Variants in PCDHA4 observed in about 807,000 individuals in gnomAD.
The protein encoded by PCDHA4 is protocadherin alpha 4.
A neutral mutation model predicts 61.4 loss-of-function variants in PCDHA4; 49 were observed. The observed-to-expected ratio is 0.80, with a 90% CI of 0.63 to 1.01. PCDHA4 has a LOEUF of 1.01. PCDHA4 is among the 50% of genes least tolerant of loss of function. PCDHA4 has a pLI of 0.00. For missense variants in PCDHA4, 1,254 were observed against 1,235.8 expected, an observed-to-expected ratio of 1.01 and a Z score of -0.22; for synonymous variants, 590 against 550.3, an observed-to-expected ratio of 1.07 and a Z score of -1.01.
intron 1 of PCDHA4, among the ~76,000 whole-genome samples, chr5:140,921,353 A>T (rs943655623): frequency 6.6e-6 from 1 of 152,160 alleles, no homozygotes; most frequent in Non-Finnish European, 1.5e-5. Context: ...ATATTTGCCT[A>T]TATTCAAGTT....
At position 140,818,149 on chromosome 5, in the gene PCDHA4, G is replaced by A. The variant is rs116573666; in HGVS notation, c.2385+8577G>A. Among the ~76,000 whole-genome samples, 733 of 152,078 alleles carry A rather than the reference G, an allele frequency of 4.8e-3. 10 individuals are homozygous for A. Among genetic ancestry groups the A allele is most frequent in the African/African-American group, 0.017 (703 of 41,472 alleles). ...GATTTAGCAGTATGCCTTCAAATAC[G>A]GCTTCTACTTCATATTTTCTCTTAT... On this transcript the variant is annotated intron_variant, in intron 1 of 3. Transcript: ENST00000530339.
At chr5:140,916,628 C>T (rs1311862991) in intron 1 of PCDHA4, among the ~76,000 whole-genome samples, 1 of 152,188 alleles carries the variant, frequency 6.6e-6, no homozygotes, top group Non-Finnish European at 1.5e-5. Context: ...ACTCAATGCC[C>T]TATCCTACTG....
At chr5:140,820,544 A>T (rs1260272313) in intron 1 of PCDHA4, among the ~76,000 whole-genome samples, 4 of 152,008 alleles carry the variant, frequency 2.6e-5, no homozygotes, top group African/African-American at 7.2e-5. Flanking sequence ...TTCAATAGAA[A>T]ACTTGGTGAT....
intron 1 of PCDHA4, among the ~76,000 whole-genome samples, chr5:140,910,875 C>A (rs1224657424): frequency 4.6e-5 from 7 of 152,184 alleles, no homozygotes; most frequent in Non-Finnish European, 7.3e-5. Flanking sequence ...TTATCCCACA[C>A]CCTTAATATC....
At chr5:140,959,719 A>G (rs986383146) in intron 1 of PCDHA4, among the ~76,000 whole-genome samples, 4 of 152,366 alleles carry the variant, frequency 2.6e-5, no homozygotes, top group African/African-American at 9.6e-5. Context: ...AAATTTTTAG[A>G]TAACATTATC....
intron 1 of PCDHA4, among the ~76,000 whole-genome samples, chr5:140,837,845 T>C (rs1033041173): frequency 1.3e-5 from 2 of 151,414 alleles, no homozygotes; most frequent in Admixed American, 1.3e-4. Flanking sequence ...GCCTGGCTAA[T>C]TTTATTTTAT....
chr5:140,822,892 G>C, intron 1 of PCDHA4: 1 of 1,614,212 alleles, frequency 6.2e-7, no homozygotes, highest in Non-Finnish European at 8.5e-7. Context: ...TCTGATCAGC[G>C]TGTCTGACCG....
intron 1 of PCDHA4, among the ~76,000 whole-genome samples, chr5:140,931,040 A>G (rs2087258988): frequency 6.6e-6 from 1 of 152,242 alleles, no homozygotes; most frequent in South Asian, 2.1e-4. Flanking sequence ...GCTAGCAAGA[A>G]AAACTTCAAT....
rs782413551 is a variant in PCDHA4, at chr5:141,009,873, A to G, written c.2780A>G (p.Lys927Arg). Residue 927 changes from lysine to arginine, a missense_variant, in exon 4 of 4, where the codon AAG becomes AGG. By Grantham distance (26) the Lys-to-Arg change is conservative. Coordinates refer to ENST00000530339, the MANE Select transcript of PCDHA4 (RefSeq NM_018907.4). ...EETKKKKKKK[K>R]GNKTQEKKEK... The stretch of plus-strand genomic sequence containing the variant: ...ACCAAGAAAAAGAAGAAAAAGAAGA[A>G]GGGTAACAAGACCCAGGAGAAAAAA... 6.2e-7 allele frequency: 1 copy of G among 1,614,034 alleles called. No individual in the cohort carries two copies. The highest frequency in any genetic ancestry group is 8.5e-7 in the Non-Finnish European group (1 of 1,180,008).
intron 1 of PCDHA4, among the ~76,000 whole-genome samples, chr5:140,957,228 T>C (rs1189952927): frequency 6.6e-6 from 1 of 152,148 alleles, no homozygotes; most frequent in Non-Finnish European, 1.5e-5. Flanking sequence ...TGGCGAAGCA[T>C]TTTGGCATGT....
At chr5:140,926,438 G>A (rs2083248814) in intron 1 of PCDHA4, 1 of 154,646 alleles carries the variant, frequency 6.5e-6, no homozygotes, top group African/African-American at 2.4e-5. Flanking sequence ...TTAAGATCTG[G>A]GCAGCCTCAG....
At chr5:140,851,067 G>T in intron 1 of PCDHA4, 7 of 1,367,668 alleles carry the variant, frequency 5.1e-6, no homozygotes, top group Non-Finnish European at 6.7e-6. Context: ...CTTCTAGTGA[G>T]AATTATAAAC....
rs2150182340 is a variant in PCDHA4, at chr5:140,830,165, G to A, written c.2385+20593G>A. 43 of 1,613,446 alleles carry A rather than the reference G, an allele frequency of 2.7e-5. 1 individual carries two copies. The South Asian group carries it at 4.5e-4, about 17-fold the overall frequency. ...GGTGGGCGCCGCGGGCCCAGAGGCG[G>A]CGCTGGTGGATGTCAACGTGTACCT... On this transcript the variant is annotated intron_variant, in intron 1 of 3. Transcript: ENST00000530339.
chr5:140,826,816 T>A (rs1769068230), intron 1 of PCDHA4, among the ~76,000 whole-genome samples: 1 of 152,138 alleles, frequency 6.6e-6, no homozygotes. Context: ...TGTGATTACA[T>A]ATTAGGTTAC....
intron 1 of PCDHA4, among the ~76,000 whole-genome samples, chr5:140,935,834 C>G (rs1037488504): frequency 1.3e-5 from 2 of 151,624 alleles, no homozygotes; most frequent in African/African-American, 2.4e-5. Flanking sequence ...ACACATATTC[C>G]ATACTGCTTA....
intron 1 of PCDHA4, among the ~76,000 whole-genome samples, chr5:140,964,058 A>C (rs147228403): frequency 1.4e-3 from 207 of 152,356 alleles, no homozygotes; most frequent in Admixed American, 4.3e-3. Flanking sequence ...TGGTGTGGTC[A>C]AGGCATTAGT....
chr5:140,862,289 G>T (rs782742229), intron 1 of PCDHA4: 4 of 264,626 alleles, frequency 1.5e-5, no homozygotes, highest in Non-Finnish European at 3.0e-5. Context: ...TGTACAGGAG[G>T]ACGCTCCACT....
intron 1 of PCDHA4, chr5:140,828,812 A>C: frequency 6.2e-7 from 1 of 1,614,228 alleles, no homozygotes; most frequent in Non-Finnish European, 8.5e-7. Flanking sequence ...TAATGCTCCC[A>C]CTTTCGAACA....
At chr5:140,836,431 C>G (rs2150260872) in intron 1 of PCDHA4, 14 of 1,613,820 alleles carry the variant, frequency 8.7e-6, no homozygotes, top group Admixed American at 1.7e-5. Flanking sequence ...TCGCGGGCAT[C>G]GTTGGGCATT....
Sources: allele counts gnomAD v4.1 joint callset (sites outside exome capture counted in the v4.1 genomes callset), GRCh38; gene constraint gnomAD v4.1.1; transcripts MANE v1.5; gene names NCBI Gene and HGNC (gene_info 2026-07-23, HGNC 2026-07-21).